ATP2C2: variants seen among roughly 807,000 people sequenced by gnomAD.
ATP2C2 encodes the protein calcium-transporting ATPase type 2C member 2.
ATP2C2 carries 171 observed loss-of-function variants against 110.8 expected under a neutral mutation model. The ratio of observed to expected loss-of-function variants is 1.54; its 90% confidence interval spans 1.36 to 1.75. The LOEUF is 1.75. ATP2C2 is among the 40% of genes most tolerant of loss of function. The pLI is 0.00. For synonymous variants in ATP2C2, 804 were observed against 508.4 expected, an observed-to-expected ratio of 1.58 and a Z score of -7.82; for missense variants, 1,963 against 1,235.0, an observed-to-expected ratio of 1.59 and a Z score of -8.84.
chr16:84,417,114 C>T, intron 7 of ATP2C2, among the ~76,000 whole-genome samples: 1 of 152,204 alleles, frequency 6.6e-6, no homozygotes, highest in East Asian at 1.9e-4. Flanking sequence ...TAGTTAACCT[C>T]TCTGTGCCTC....
intron 21 of ATP2C2, 50 bp downstream of exon 21, chr16:84,455,034 C>T (rs1441550506): frequency 6.3e-7 from 1 of 1,579,140 alleles, no homozygotes; most frequent in Non-Finnish European, 8.6e-7. Flanking sequence ...CCTGGGGTCA[C>T]CAGCTTCTCC....
At chr16:84,433,779 T>C (rs1192952924) in intron 11 of ATP2C2, among the ~76,000 whole-genome samples, 1 of 152,090 alleles carries the variant, frequency 6.6e-6, no homozygotes, top group African/African-American at 2.4e-5. Flanking sequence ...AGAAAGACGA[T>C]TAAATATTTC....
At chr16:84,436,772 T>TTTC (rs987963437) in intron 11 of ATP2C2, among the ~76,000 whole-genome samples, 9 of 149,970 alleles carry the variant, frequency 6.0e-5, no homozygotes, top group Admixed American at 2.6e-4. Flanking sequence ...TGTTTTTTTT[T>TTTC]TTTTTTTGAG....
At position 84,462,008 on chromosome 16, in the gene ATP2C2, C is replaced by A. The variant is rs189376627; in HGVS notation, c.2601C>A (p.Ile867=). ...CRSQTKLIFE[I]GFLRNHMFLY... Reference sequence around the variant, plus strand: ...TGCAGACCAAGCTGATATTTGAGATCGGCTTTCTCAGGAACCACATGTTCC... The same window carrying A: ...TGCAGACCAAGCTGATATTTGAGATAGGCTTTCTCAGGAACCACATGTTCC... Residue 867 remains isoleucine, a synonymous_variant, in exon 26 of 27, where the codon ATC becomes ATA. Coordinates refer to ENST00000262429, the MANE Select transcript of ATP2C2 (RefSeq NM_014861.4). 6.2e-6 allele frequency: 10 copies of A among 1,613,794 alleles called. 1 individual carries two copies. The South Asian group carries it at 8.8e-5, about 14-fold the overall frequency.
intron 13 of ATP2C2, 150 bp downstream of exon 13, chr16:84,439,674 G>C: frequency 1.3e-6 from 1 of 751,068 alleles, no homozygotes; most frequent in Non-Finnish European, 2.2e-6. Context: ...GACTGATTTT[G>C]TTTTTAATCA....
intron 4 of ATP2C2, among the ~76,000 whole-genome samples, chr16:84,409,695 G>A (rs566460477): frequency 6.6e-6 from 1 of 152,126 alleles, no homozygotes; most frequent in East Asian, 1.9e-4. Flanking sequence ...TAGAGATGAG[G>A]TTTCCCTGTG....
At chr16:84,375,899 G>A (rs576946509) in intron 1 of ATP2C2, among the ~76,000 whole-genome samples, 5 of 152,188 alleles carry the variant, frequency 3.3e-5, no homozygotes, top group Admixed American at 3.3e-4. Context: ...CTGAACAAAA[G>A]AAGGGGAGAG....
chr16:84,450,884 A>C (rs973390505), intron 17 of ATP2C2, among the ~76,000 whole-genome samples: 1 of 152,064 alleles, frequency 6.6e-6, no homozygotes, highest in Non-Finnish European at 1.5e-5. Flanking sequence ...AGCACAGAGC[A>C]AATGAGGGCA....
intron 15 of ATP2C2, among the ~76,000 whole-genome samples, chr16:84,445,735 C>A (rs1223206937): frequency 1.3e-5 from 2 of 152,236 alleles, no homozygotes; most frequent in African/African-American, 4.8e-5. Context: ...ATGGTAGATA[C>A]ACTGTATTGT....
intron 7 of ATP2C2, among the ~76,000 whole-genome samples, chr16:84,422,032 T>A (rs1373739428): frequency 1.3e-5 from 2 of 152,278 alleles, no homozygotes; most frequent in Middle Eastern, 3.4e-3. Flanking sequence ...GTGGGAACCA[T>A]ACAGATTGTA....
chr16:84,384,285 C>T (rs1237363744), intron 1 of ATP2C2, among the ~76,000 whole-genome samples: 2 of 152,226 alleles, frequency 1.3e-5, no homozygotes, highest in African/African-American at 2.4e-5. Context: ...TTTTCCTTGT[C>T]TTCTGTATTC....
At chr16:84,433,683 A>AAC (rs71994851) in intron 11 of ATP2C2, among the ~76,000 whole-genome samples, 4,809 of 150,580 alleles carry the variant, frequency 0.032, 94 homozygotes, top group Non-Finnish European at 0.044. Flanking sequence ...ACAACAACAA[A>AAC]ACACACACAC....
chr16:84,378,718 G>A (rs1033743955), intron 1 of ATP2C2, among the ~76,000 whole-genome samples: 23 of 152,230 alleles, frequency 1.5e-4, no homozygotes, highest in African/African-American at 5.5e-4. Flanking sequence ...CCGACTACGT[G>A]ATTGTCAGGC....
At position 84,398,493 on chromosome 16, in the gene ATP2C2, T is replaced by A; in HGVS notation, c.100-6T>A. On this transcript the variant is annotated splice_polypyrimidine_tract_variant and splice_region_variant and intron_variant, in intron 1 of 26. Transcript: ENST00000262429. ...CCGCTAAACAGCAACCCTGCTCTTT[T>A]CACAGATTGATGAACAGAGTGAGCT... The A allele has an allele frequency of 6.3e-7, 1 of 1,596,892 alleles. No individual in the cohort carries two copies. The highest frequency in any genetic ancestry group is 8.5e-7 in the Non-Finnish European group (1 of 1,173,108).
intron 7 of ATP2C2, among the ~76,000 whole-genome samples, chr16:84,420,439 G>A (rs1426993795): frequency 6.6e-6 from 1 of 151,074 alleles, no homozygotes; most frequent in Non-Finnish European, 1.5e-5. Context: ...TTCTTCCCGG[G>A]GTGGGGGTCA....
At chr16:84,423,337 C>A in intron 10 of ATP2C2, 74 bp downstream of exon 10, 3 of 1,400,298 alleles carry the variant, frequency 2.1e-6, no homozygotes, top group Non-Finnish European at 3.0e-6. Flanking sequence ...TTGCCATGGC[C>A]GTTTCTCAAA....
intron 14 of ATP2C2, 59 bp downstream of exon 14, chr16:84,441,017 C>T (rs1909206906): frequency 7.2e-7 from 1 of 1,384,606 alleles, no homozygotes; most frequent in Non-Finnish European, 1.0e-6. Context: ...TCTGGGGCTC[C>T]TCTCTGAAAA....
chr16:84,396,243 A>T (rs899796932), intron 1 of ATP2C2, among the ~76,000 whole-genome samples: 1 of 149,090 alleles, frequency 6.7e-6, no homozygotes, highest in African/African-American at 2.6e-5. Context: ...TGTGTGTGTG[A>T]GATGGGATTT....
chr16:84,437,864 A>G (rs1231654667), intron 11 of ATP2C2, among the ~76,000 whole-genome samples: 1 of 152,202 alleles, frequency 6.6e-6, no homozygotes, highest in East Asian at 1.9e-4. Context: ...CCCTTTAGCT[A>G]TCACTCTACA....
Sources: gnomAD v4.1 joint callset for allele counts (sites outside exome capture counted in the v4.1 genomes callset) on GRCh38, gnomAD v4.1.1 for gene constraint, MANE v1.5 for transcripts, NCBI Gene and HGNC (gene_info 2026-07-23, HGNC 2026-07-21) for gene names.